DOCK1: variants seen among roughly 807,000 people sequenced by gnomAD.
DOCK1 encodes dedicator of cytokinesis protein 1.
A neutral mutation model predicts 262.7 loss-of-function variants in DOCK1; 138 were observed. The observed-to-expected ratio is 0.53, with a 90% CI of 0.46 to 0.61. DOCK1 has a LOEUF of 0.61. Ranked by LOEUF, DOCK1 falls within the 20% of genes least tolerant of loss-of-function variation. The pLI, the probability that DOCK1 is intolerant of heterozygous loss-of-function variation, is 0.00. For synonymous variants in DOCK1, 866 were observed against 867.4 expected (o/e 1.00, Z 0.03); for missense variants, 1,908 against 2,370.7 (o/e 0.80, Z 4.05).
intron 29 of DOCK1, among the ~76,000 whole-genome samples, chr10:127,279,453 G>A (rs565423301): frequency 6.6e-6 from 1 of 152,196 alleles, no homozygotes; most frequent in Non-Finnish European, 1.5e-5. Context: ...TCCAGAGTCC[G>A]TGTTCTGTAT....
chr10:127,085,746 G>A (rs914797111), intron 23 of DOCK1, among the ~76,000 whole-genome samples: 1 of 151,866 alleles, frequency 6.6e-6, no homozygotes, highest in Non-Finnish European at 1.5e-5. Flanking sequence ...AACAGAGTGA[G>A]ACCCCATCTA....
At chr10:127,302,904 GA>G (rs1357950658) in intron 29 of DOCK1, among the ~76,000 whole-genome samples, 1 of 152,128 alleles carries the variant, frequency 6.6e-6, no homozygotes, top group Non-Finnish European at 1.5e-5. Context: ...ATGGTCACTA[GA>G]AAAGATGCCT....
At chr10:127,061,045 A>G (rs2045497720) in intron 22 of DOCK1, among the ~76,000 whole-genome samples, 1 of 152,196 alleles carries the variant, frequency 6.6e-6, no homozygotes, top group African/African-American at 2.4e-5. Flanking sequence ...CCTGGCCAAC[A>G]TGGTGTAACT....
chr10:127,304,489 G>A (rs145117512), intron 29 of DOCK1, among the ~76,000 whole-genome samples: 39 of 152,090 alleles, frequency 2.6e-4, no homozygotes, highest in African/African-American at 8.9e-4. Context: ...AACCTCCAGA[G>A]TAGGAGGAAT....
At chr10:126,929,242 G>T (rs896438161) in intron 1 of DOCK1, among the ~76,000 whole-genome samples, 2 of 152,312 alleles carry the variant, frequency 1.3e-5, no homozygotes, top group East Asian at 3.9e-4. Flanking sequence ...CCAGATTGCT[G>T]GTTGTAATTT....
chr10:127,397,746 G>A (rs1329220730), intron 38 of DOCK1, among the ~76,000 whole-genome samples: 1 of 103,616 alleles, frequency 9.7e-6, no homozygotes, highest in African/African-American at 3.9e-5. Context: ...AGCGACTCCT[G>A]TATGACACGG....
chr10:127,047,533 T>A (rs2044429473), intron 21 of DOCK1, among the ~76,000 whole-genome samples: 1 of 152,340 alleles, frequency 6.6e-6, no homozygotes, highest in Admixed American at 6.5e-5. Context: ...AACTTAAAAA[T>A]TGTTATAATT....
Position 127,423,439 on chromosome 10 carries a change from G to A in DOCK1, c.4777-2435G>A, listed in dbSNP as rs549463853. 3.0e-4 allele frequency among the ~76,000 whole-genome samples: 46 copies of A among 152,288 alleles called. 1 individual carries two copies. In the East Asian group the frequency reaches 4.4e-3, roughly 15 times the overall value. Reference sequence around the variant, plus strand: ...CAGAGGATGGGCTGACCTGCTCCTCGCTGGGTGGGAGGTGGCAGTCAGGGT... The same window carrying A: ...CAGAGGATGGGCTGACCTGCTCCTCACTGGGTGGGAGGTGGCAGTCAGGGT... On this transcript the variant is annotated intron_variant, in intron 46 of 51. Transcript: ENST00000623213.
chr10:126,983,411 C>T (rs143762760), intron 4 of DOCK1, among the ~76,000 whole-genome samples: 22 of 152,248 alleles, frequency 1.4e-4, no homozygotes, highest in East Asian at 1.4e-3. Context: ...ATGTGGGCCA[C>T]GCTTTCATCC....
intron 51 of DOCK1, among the ~76,000 whole-genome samples, chr10:127,447,879 C>CATTTTG (rs1399470726): frequency 2.6e-5 from 4 of 152,158 alleles, no homozygotes; most frequent in African/African-American, 9.7e-5. Context: ...ATTCTAATGA[C>CATTTTG]ATTTTGATTT....
At chr10:126,987,373 T>C in intron 4 of DOCK1, 148 bp from the exon 5 acceptor site, 1 of 609,278 alleles carries the variant, frequency 1.6e-6, no homozygotes, top group East Asian at 2.8e-5. Flanking sequence ...CGTATGTATT[T>C]ATATGTGTGC....
At chr10:127,226,400 C>T (rs2058641125) in intron 27 of DOCK1, among the ~76,000 whole-genome samples, 1 of 152,230 alleles carries the variant, frequency 6.6e-6, no homozygotes, top group Middle Eastern at 3.4e-3. Context: ...TCATGGCGTC[C>T]TGTCTCTGCT....
At chr10:127,354,582 G>C in intron 31 of DOCK1, 87 bp from the exon 32 acceptor site, 5 of 1,501,268 alleles carry the variant, frequency 3.3e-6, no homozygotes, top group Non-Finnish European at 4.6e-6. Flanking sequence ...GTGCTAGAAG[G>C]CTTTAATTGC....
chr10:127,155,884 C>T (rs542763457), intron 27 of DOCK1, among the ~76,000 whole-genome samples: 133 of 152,138 alleles, frequency 8.7e-4, no homozygotes, highest in Non-Finnish European at 1.6e-3. Context: ...GCACGGTCCA[C>T]GCTGAATGTG....
chr10:127,333,383 G>C (rs1236877688), intron 29 of DOCK1, among the ~76,000 whole-genome samples: 1 of 152,152 alleles, frequency 6.6e-6, no homozygotes, highest in East Asian at 1.9e-4. Flanking sequence ...GCAAACACTG[G>C]GTAACAGGGG....
At chr10:126,948,597 G>T (rs1272494272) in intron 1 of DOCK1, among the ~76,000 whole-genome samples, 1 of 151,924 alleles carries the variant, frequency 6.6e-6, no homozygotes, top group East Asian at 1.9e-4. Flanking sequence ...CCCTCAAAAT[G>T]CTCCAGGCCA....
intron 25 of DOCK1, among the ~76,000 whole-genome samples, chr10:127,123,561 G>A (rs931142873): frequency 1.3e-5 from 2 of 152,186 alleles, no homozygotes; most frequent in Non-Finnish European, 2.9e-5. Flanking sequence ...CAGCTCAAGA[G>A]TCACTAAAGT....
At chr10:127,018,522 G>C in intron 12 of DOCK1, 188 bp from the exon 13 acceptor site, 1 of 775,176 alleles carries the variant, frequency 1.3e-6, no homozygotes, top group Admixed American at 2.8e-5. Flanking sequence ...ATCCCAGCTC[G>C]TTGGATGCAT....
At chr10:126,949,991 G>T (rs1169693642) in intron 1 of DOCK1, among the ~76,000 whole-genome samples, 1 of 151,974 alleles carries the variant, frequency 6.6e-6, no homozygotes, top group South Asian at 2.1e-4. Context: ...GCCCCCCAAA[G>T]CAGGTTTCTC....
Sources: gnomAD v4.1 joint callset for allele counts (sites outside exome capture counted in the v4.1 genomes callset) on GRCh38, gnomAD v4.1.1 for gene constraint, MANE v1.5 for transcripts, NCBI Gene and HGNC (gene_info 2026-07-23, HGNC 2026-07-21) for gene names.